The following CNTNAP2 variants were observed in gnomAD, a reference collection of about 807,000 sequenced individuals.
CNTNAP2 encodes contactin associated protein 2.
In CNTNAP2, 98 loss-of-function variants were observed where a neutral mutation model predicts 155.2. The observed-to-expected ratio is 0.63, with a 90% CI of 0.54 to 0.75. The LOEUF (loss-of-function observed/expected upper bound fraction) is 0.75, where lower values mean the gene tolerates loss of function less well. CNTNAP2 is among the 30% of genes least tolerant of loss of function. The pLI is 0.00. For synonymous variants in CNTNAP2, 651 were observed against 631.2 expected, an observed-to-expected ratio of 1.03 and a Z score of -0.47; for missense variants, 1,727 against 1,688.1, an observed-to-expected ratio of 1.02 and a Z score of -0.40.
intron 12 of CNTNAP2, among the ~76,000 whole-genome samples, chr7:147,611,764 A>T (rs1428490885): frequency 6.6e-6 from 1 of 152,172 alleles, no homozygotes; most frequent in African/African-American, 2.4e-5. Context: ...TTCTCTACAC[A>T]TGATTAAAGC....
chr7:147,833,943 A>T (rs1053728293), intron 13 of CNTNAP2, among the ~76,000 whole-genome samples: 1 of 152,106 alleles, frequency 6.6e-6, no homozygotes, highest in Non-Finnish European at 1.5e-5. Context: ...GGTGAACAAG[A>T]GGGAGGGGAC....
intron 3 of CNTNAP2, among the ~76,000 whole-genome samples, chr7:146,861,734 C>G (rs1254584187): frequency 6.6e-6 from 1 of 152,108 alleles, no homozygotes; most frequent in African/African-American, 2.4e-5. Context: ...TCAGCCTTGT[C>G]AGGGTTGTGT....
intron 13 of CNTNAP2, among the ~76,000 whole-genome samples, chr7:147,665,097 T>C (rs1173652296): frequency 6.6e-6 from 1 of 152,168 alleles, no homozygotes; most frequent in East Asian, 1.9e-4. Flanking sequence ...GACCAAATTT[T>C]TACCTGTGCC....
intron 8 of CNTNAP2, among the ~76,000 whole-genome samples, chr7:147,248,261 A>G (rs1329860785): frequency 6.6e-6 from 1 of 152,224 alleles, no homozygotes; most frequent in Non-Finnish European, 1.5e-5. Flanking sequence ...CTTTTCTGTC[A>G]ACAGAGGTTT....
intron 21 of CNTNAP2, among the ~76,000 whole-genome samples, chr7:148,347,319 C>T (rs1175667456): frequency 6.6e-6 from 1 of 151,742 alleles, no homozygotes; most frequent in Non-Finnish European, 1.5e-5. Context: ...ATAAACTGCC[C>T]AGTAATGCTT....
intron 16 of CNTNAP2, among the ~76,000 whole-genome samples, chr7:148,119,537 G>GA (rs575977598): frequency 4.6e-5 from 7 of 151,604 alleles, no homozygotes; most frequent in Admixed American, 1.3e-4. Context: ...CTCCGTCTCA[G>GA]AAAAAAAAGT....
intron 1 of CNTNAP2, among the ~76,000 whole-genome samples, chr7:146,328,037 A>G (rs1164256411): frequency 6.6e-6 from 1 of 152,154 alleles, no homozygotes; most frequent in African/African-American, 2.4e-5. Flanking sequence ...TGGGCCACAG[A>G]CCGGTACTGG....
At chr7:147,443,647 G>T (rs1797681352) in intron 10 of CNTNAP2, among the ~76,000 whole-genome samples, 1 of 152,010 alleles carries the variant, frequency 6.6e-6, no homozygotes, top group Admixed American at 6.6e-5. Flanking sequence ...CATTTTTTTA[G>T]CTCTTTTTAG....
chr7:147,968,389 T>C (rs1480610671), intron 14 of CNTNAP2, among the ~76,000 whole-genome samples: 1 of 152,214 alleles, frequency 6.6e-6, no homozygotes. Context: ...GATCTCATTG[T>C]CATGGTTGTT....
intron 1 of CNTNAP2, among the ~76,000 whole-genome samples, chr7:146,608,765 T>A (rs1051220405): frequency 6.6e-6 from 1 of 152,190 alleles, no homozygotes; most frequent in Non-Finnish European, 1.5e-5. Context: ...TCATTTTATA[T>A]GTTCTATCTC....
intron 1 of CNTNAP2, among the ~76,000 whole-genome samples, chr7:146,136,916 A>G (rs1290575468): frequency 2.0e-5 from 3 of 152,222 alleles, no homozygotes; most frequent in Non-Finnish European, 4.4e-5. Context: ...AGAAACAGAC[A>G]GAATGTTTTA....
At chr7:146,991,466 G>A (rs572306765) in intron 3 of CNTNAP2, among the ~76,000 whole-genome samples, 16 of 152,206 alleles carry the variant, frequency 1.1e-4, no homozygotes, top group Non-Finnish European at 2.1e-4. Flanking sequence ...CAACATGATC[G>A]GAATATTACT....
At chr7:148,254,305 C>T (rs1796422943) in intron 20 of CNTNAP2, among the ~76,000 whole-genome samples, 1 of 152,158 alleles carries the variant, frequency 6.6e-6, no homozygotes. Context: ...CCACACAACT[C>T]AGCCAGGAAT....
chr7:147,608,339 G>T (rs1190607373), intron 12 of CNTNAP2, among the ~76,000 whole-genome samples: 4 of 150,922 alleles, frequency 2.7e-5, no homozygotes, highest in Non-Finnish European at 5.9e-5. Context: ...ATTCCACAGG[G>T]GTCTATAATT....
rs190507614 is a variant in CNTNAP2, at chr7:146,558,869, C to T, written c.98-215402C>T. Reference sequence around the variant, plus strand: ...CATGTAGTATTTGTTCCGTGTCTGGCTTATTTCACTTAGCACAATGTCTAC... The same window carrying T: ...CATGTAGTATTTGTTCCGTGTCTGGTTTATTTCACTTAGCACAATGTCTAC... On this transcript the variant is annotated intron_variant, in intron 1 of 23. Coordinates refer to ENST00000361727, the MANE Select transcript of CNTNAP2 (RefSeq NM_014141.6). 4.6e-3 allele frequency among the ~76,000 whole-genome samples: 701 copies of T among 152,330 alleles called. 5 individuals carry two copies. Among genetic ancestry groups the T allele is most frequent in the African/African-American group, 0.016 (654 of 41,590 alleles).
chr7:147,996,858 A>G (rs1272020200), intron 15 of CNTNAP2, among the ~76,000 whole-genome samples: 2 of 152,216 alleles, frequency 1.3e-5, no homozygotes, highest in South Asian at 2.1e-4. Context: ...GAGCACTGCT[A>G]TGGTCTGTTT....
intron 1 of CNTNAP2, among the ~76,000 whole-genome samples, chr7:146,483,274 T>TAAAA (rs1172354064): frequency 0.031 from 1,248 of 40,624 alleles, 88 homozygotes; most frequent in East Asian, 0.12. Context: ...AGACTCCGTC[T>TAAAA]AAAAAAAAAT....
At chr7:147,340,137 T>G in intron 9 of CNTNAP2, among the ~76,000 whole-genome samples, 1 of 151,392 alleles carries the variant, frequency 6.6e-6, no homozygotes, top group East Asian at 1.9e-4. Flanking sequence ...CAGTAGTAAC[T>G]TTAACCTGAA....
rs1562981280 is a variant in CNTNAP2 at position 147,527,015 on chromosome 7, C to CTTTTCTTTTTT, written c.1778-35119_1778-35118insCTTTTTTTTTT. Among the ~76,000 whole-genome samples the CTTTTCTTTTTT allele has an allele frequency of 9.2e-5, 6 of 65,182 alleles. 1 individual carries two copies. Among genetic ancestry groups the CTTTTCTTTTTT allele is most frequent in the African/African-American group, 4.7e-4 (6 of 12,760 alleles). 42.8% of individuals were successfully genotyped at this position (65,182 alleles called of 152,430 possible). The stretch of plus-strand genomic sequence containing the variant: ...CATGAATTATGGAAGACAGGCATTT[C>CTTTTCTTTTTT]TTTTTTTTTTTTTTTTTTTTTTTTT... On this transcript the variant is annotated intron_variant, in intron 11 of 23. Transcript: ENST00000361727.
Sources: allele counts gnomAD v4.1 joint callset (sites outside exome capture counted in the v4.1 genomes callset), GRCh38; gene constraint gnomAD v4.1.1; transcripts MANE v1.5; gene names NCBI Gene and HGNC (gene_info 2026-07-23, HGNC 2026-07-21).